FAM110B: variants seen among roughly 807,000 people sequenced by gnomAD.
FAM110B encodes the protein protein FAM110B.
A neutral mutation model predicts 20.4 loss-of-function variants in FAM110B; 6 were observed. The ratio of observed to expected loss-of-function variants is 0.29; its 90% CI spans 0.16 to 0.58. FAM110B has a LOEUF of 0.58. FAM110B is among the 20% of genes least tolerant of loss of function. FAM110B has a pLI of 0.90. For missense variants in FAM110B, 434 were observed against 498.2 expected, an observed-to-expected ratio of 0.87 and a Z score of 1.23; for synonymous variants, 226 against 214.1, an observed-to-expected ratio of 1.06 and a Z score of -0.49.
chr8:58,018,656 C>A (rs149616055), intron 1 of FAM110B, among the ~76,000 whole-genome samples: 23 of 152,132 alleles, frequency 1.5e-4, no homozygotes, highest in African/African-American at 5.5e-4. Context: ...AAGTCTATTA[C>A]CCTATTTTTT....
At chr8:58,033,894 G>A (rs1162930089) in intron 2 of FAM110B, among the ~76,000 whole-genome samples, 1 of 152,178 alleles carries the variant, frequency 6.6e-6, no homozygotes, top group Non-Finnish European at 1.5e-5. Context: ...GGATGCCAGA[G>A]CATTGCTGCT....
At chr8:58,086,667 T>C (rs922708991) in intron 3 of FAM110B, among the ~76,000 whole-genome samples, 3 of 152,224 alleles carry the variant, frequency 2.0e-5, no homozygotes, top group Admixed American at 6.5e-5. Flanking sequence ...TGTTGTAAAT[T>C]TGTGCAATAT....
chr8:58,019,388 GAAAGAAA>G (rs1804703446), intron 1 of FAM110B, among the ~76,000 whole-genome samples: 1 of 122,600 alleles, frequency 8.2e-6, no homozygotes, highest in African/African-American at 3.0e-5. Context: ...GAAAAGAAAA[GAAAGAAA>G]AAAGAAAAAA....
chr8:58,085,093 G>A (rs373256531), intron 3 of FAM110B, among the ~76,000 whole-genome samples: 27 of 152,284 alleles, frequency 1.8e-4, no homozygotes, highest in African/African-American at 5.3e-4. Context: ...AGCAGGCTTC[G>A]TTTTCATTTA....
intron 3 of FAM110B, among the ~76,000 whole-genome samples, chr8:58,128,340 C>G (rs1807564378): frequency 6.6e-6 from 1 of 152,114 alleles, no homozygotes; most frequent in Admixed American, 6.5e-5. Context: ...GGTCTTAGGG[C>G]CTTCTTTGGT....
At chr8:58,076,169 C>T (rs1806032378) in intron 3 of FAM110B, among the ~76,000 whole-genome samples, 1 of 152,130 alleles carries the variant, frequency 6.6e-6, no homozygotes, top group Non-Finnish European at 1.5e-5. Flanking sequence ...CTATGTTGCC[C>T]AGGCTGATAT....
intron 3 of FAM110B, among the ~76,000 whole-genome samples, chr8:58,144,832 G>C (rs1324215404): frequency 6.6e-6 from 1 of 152,140 alleles, no homozygotes; most frequent in Non-Finnish European, 1.5e-5. Context: ...GGGCTGCAGG[G>C]TAAGAGTTAC....
intron 2 of FAM110B, among the ~76,000 whole-genome samples, chr8:58,048,880 G>A (rs1049612754): frequency 3.3e-5 from 5 of 152,208 alleles, no homozygotes; most frequent in African/African-American, 1.2e-4. Context: ...GCTTGTGTGA[G>A]TAGTCATAGC....
At position 58,087,728 on chromosome 8, in the gene FAM110B, A is replaced by G. The variant is rs562612679; in HGVS notation, c.-325+12105A>G. ...GAGATTTGGGTCTCTCCTTTAGCCA[A>G]AACCACTCTGCATTCATCTATTTTG... On this transcript the variant is annotated intron_variant, in intron 3 of 3. Transcript: ENST00000519262. Among the ~76,000 whole-genome samples the G allele has an allele frequency of 4.6e-5, 7 of 152,316 alleles. No individual in the cohort carries two copies. In the South Asian group the frequency reaches 1.2e-3, roughly 27 times the overall value.
chr8:58,082,113 T>C (rs992838832), intron 3 of FAM110B, among the ~76,000 whole-genome samples: 1 of 152,194 alleles, frequency 6.6e-6, no homozygotes, highest in Non-Finnish European at 1.5e-5. Context: ...CTAGAGGAGA[T>C]TGTAGATGGC....
Position 58,100,252 on chromosome 8 carries a change from G to GA in FAM110B, c.-325+24643dup, listed in dbSNP as rs35082607. Reference sequence around the variant, plus strand: ...TAATCTGGTGCTTCCTTTAGATTTTGAAAAAAAAAAAAAAGTCATGGACTC... The same window carrying GA: ...TAATCTGGTGCTTCCTTTAGATTTTGAAAAAAAAAAAAAAAGTCATGGACTC... On this transcript the variant is annotated intron_variant, in intron 3 of 3. Transcript: ENST00000519262. 1.9e-3 allele frequency among the ~76,000 whole-genome samples: 264 copies of GA among 139,292 alleles called. 1 individual carries two copies. The highest frequency in any genetic ancestry group is 2.2e-3 in the Non-Finnish European group (137 of 63,004). The allele number at this position is 139,292 out of a possible 152,430, so 91.4% of individuals were successfully genotyped here. A position where few individuals can be genotyped will look rare whatever the true frequency, so the allele number is the denominator to read the frequency against.
At chr8:58,019,930 C>T (rs1804716484) in intron 1 of FAM110B, among the ~76,000 whole-genome samples, 1 of 150,370 alleles carries the variant, frequency 6.7e-6, no homozygotes, top group Non-Finnish European at 1.5e-5. Context: ...TCCTATCCTT[C>T]CCTCTTTTCT....
intron 3 of FAM110B, among the ~76,000 whole-genome samples, chr8:58,142,576 G>A (rs994268945): frequency 8.1e-6 from 1 of 124,024 alleles, no homozygotes; most frequent in East Asian, 2.6e-4. Context: ...ATCACCCCCA[G>A]GCCAGATTGC....
At chr8:58,011,143 A>G (rs1804525075) in intron 1 of FAM110B, among the ~76,000 whole-genome samples, 1 of 152,184 alleles carries the variant, frequency 6.6e-6, no homozygotes, top group Non-Finnish European at 1.5e-5. Flanking sequence ...TTGTTTTCTG[A>G]TTTGAGAGAC....
rs750795228 is a variant in FAM110B, at chr8:58,146,483, G to C, written c.253G>C (p.Val85Leu). The C allele has an allele frequency of 6.2e-7, 1 of 1,613,652 alleles. No individual in the cohort carries two copies. The highest frequency in any genetic ancestry group is 2.2e-5 in the East Asian group (1 of 44,854). The stretch of plus-strand genomic sequence containing the variant: ...GCCCGCCGTGCTGGCCAAGCCCCCG[G>C]TGTGCCCGGCTGCCAAGCGCGCACT... ...VKPAVLAKPPVCPAAKRALGS... is the reference protein window; with the variant it reads ...VKPAVLAKPPLCPAAKRALGS... The change falls in exon 4 of 4, where the codon GTG becomes CTG. Residue 85 changes from valine to leucine, a missense_variant. Physicochemically the swap from Val to Leu is conservative, Grantham distance 32. Around this residue, in one of 3 missense-constraint regions of FAM110B, gnomAD observed 284 missense variants for 278.3 expected, o/e 1.02. Transcript: ENST00000519262.
chr8:58,052,984 A>C (rs545954393), intron 2 of FAM110B, among the ~76,000 whole-genome samples: 3 of 150,424 alleles, frequency 2.0e-5, no homozygotes, highest in South Asian at 4.3e-4. Flanking sequence ...ACGGGGTTTC[A>C]CCGTGTTAGC....
chr8:58,032,936 GA>G (rs1220975870), intron 2 of FAM110B, among the ~76,000 whole-genome samples: 6 of 152,108 alleles, frequency 3.9e-5, no homozygotes, highest in African/African-American at 2.4e-5. Context: ...TTAAATTCAG[GA>G]GGTGCACGTA....
At chr8:57,996,702 A>C (rs1804190411) in intron 1 of FAM110B, among the ~76,000 whole-genome samples, 1 of 151,996 alleles carries the variant, frequency 6.6e-6, no homozygotes, top group African/African-American at 2.4e-5. Flanking sequence ...CCTCCCCTGC[A>C]CTCCCTTGTT....
At chr8:58,069,344 C>G (rs952045419) in intron 2 of FAM110B, among the ~76,000 whole-genome samples, 12 of 152,216 alleles carry the variant, frequency 7.9e-5, no homozygotes, top group Admixed American at 7.2e-4. Context: ...GGCAGTAACT[C>G]TTCGAGGTGG....
Sources: gnomAD v4.1 joint callset for allele counts (sites outside exome capture counted in the v4.1 genomes callset) on GRCh38, gnomAD v4.1.1 for gene constraint, gnomAD v4.1.1 regional missense constraint, MANE v1.5 for transcripts, NCBI Gene and HGNC (gene_info 2026-07-23, HGNC 2026-07-21) for gene names.